Variants in MICU1 observed in about 807,000 individuals in gnomAD.
MICU1 encodes the protein calcium uptake protein 1, mitochondrial.
MICU1 carries 45 observed loss-of-function variants against 56.8 expected under a neutral mutation model. The ratio of observed to expected loss-of-function variants is 0.79; its 90% CI spans 0.62 to 1.02. MICU1 has a LOEUF of 1.02. Among genes scored for constraint, MICU1 ranks in the 50% least tolerant of loss-of-function variants. The pLI is 0.00. For synonymous variants in MICU1, 186 were observed against 195.1 expected, an observed-to-expected ratio of 0.95 and a Z score of 0.39; for missense variants, 504 against 587.1, an observed-to-expected ratio of 0.86 and a Z score of 1.46.
At chr10:72,498,637 T>C (rs2132321761) in intron 6 of MICU1, among the ~76,000 whole-genome samples, 1 of 152,214 alleles carries the variant, frequency 6.6e-6, no homozygotes, top group African/African-American at 2.4e-5. Context: ...ACTCCCTGCT[T>C]TCCTGTTAGG....
At position 72,509,378 on chromosome 10, in the gene MICU1, A is replaced by G; in HGVS notation, c.538-1109T>C. On this transcript the variant is annotated intron_variant, in intron 5 of 11. Coordinates refer to ENST00000361114, the MANE Select transcript of MICU1 (RefSeq NM_001195518.2). Reference sequence around the variant, plus strand: ...CACCATCACACCAGCATCCAGTTACACAACTATCCAATGGGTTACCTCTGT... The same window carrying G: ...CACCATCACACCAGCATCCAGTTACGCAACTATCCAATGGGTTACCTCTGT... 7.5e-7 allele frequency: 1 copy of G among 1,335,716 alleles called. No homozygotes were observed. The allele number at this position is 1,335,716 out of a possible 1,614,324, so 82.7% of individuals were successfully genotyped here. A position where few individuals can be genotyped will look rare whatever the true frequency, so the allele number is the denominator to read the frequency against.
intron 9 of MICU1, among the ~76,000 whole-genome samples, chr10:72,418,678 C>T (rs1864062773): frequency 2.0e-5 from 3 of 152,206 alleles, no homozygotes; most frequent in Admixed American, 2.0e-4. Context: ...TGATACAGAA[C>T]CTCACACAGA....
intron 5 of MICU1, among the ~76,000 whole-genome samples, chr10:72,530,792 T>C (rs1361697240): frequency 6.6e-6 from 1 of 152,212 alleles, no homozygotes; most frequent in African/African-American, 2.4e-5. Context: ...TGACTATCAG[T>C]TGAAATAGTA....
chr10:72,441,615 C>CTTTTTTTTTT lies in MICU1; in HGVS notation c.934-18254_934-18245dup, dbSNP rs71018287. Among the ~76,000 whole-genome samples the CTTTTTTTTTT allele has an allele frequency of 7.6e-5, 8 of 105,476 alleles. 1 individual carries two copies. Among genetic ancestry groups the CTTTTTTTTTT allele is most frequent in the Non-Finnish European group, 1.1e-4 (6 of 55,736 alleles). The allele number at this position is 105,476 out of a possible 152,430, so 69.2% of individuals were successfully genotyped here. A position where few individuals can be genotyped will look rare whatever the true frequency, so the allele number is the denominator to read the frequency against. On this transcript the variant is annotated intron_variant, in intron 8 of 11. Transcript: ENST00000361114. ...ATTTATTCACTTATTTTTAATTTTT[C>CTTTTTTTTTT]TTTTTTTTTTTTTTTTTTTGAGGCA...
intron 1 of MICU1, among the ~76,000 whole-genome samples, chr10:72,602,554 T>C (rs540346432): frequency 6.6e-6 from 1 of 152,336 alleles, no homozygotes; most frequent in East Asian, 1.9e-4. Flanking sequence ...ATACGCTTTG[T>C]CTGTAAAGCT....
At chr10:72,583,067 T>C (rs1481364183) in intron 1 of MICU1, 1 of 150,600 alleles carries the variant, frequency 6.6e-6, no homozygotes, top group Non-Finnish European at 1.5e-5. Flanking sequence ...TGCTGGGCAA[T>C]GTAGCGAGAC....
intron 5 of MICU1, among the ~76,000 whole-genome samples, chr10:72,516,261 G>A (rs979319994): frequency 3.3e-5 from 5 of 151,950 alleles, no homozygotes; most frequent in Admixed American, 6.6e-5. Flanking sequence ...TGTTCATATC[G>A]TTCATCTACT....
intron 5 of MICU1, among the ~76,000 whole-genome samples, chr10:72,530,584 C>A (rs543815604): frequency 6.6e-6 from 1 of 151,934 alleles, no homozygotes; most frequent in Admixed American, 6.6e-5. Context: ...ATTCTTTATA[C>A]GAGACCTATG....
intron 1 of MICU1, among the ~76,000 whole-genome samples, chr10:72,575,130 C>T (rs1222553329): frequency 6.6e-6 from 1 of 152,100 alleles, no homozygotes; most frequent in African/African-American, 2.4e-5. Flanking sequence ...AACTCCTTGT[C>T]TCAAGCAATC....
At chr10:72,594,430 A>G (rs1841315737) in intron 1 of MICU1, among the ~76,000 whole-genome samples, 2 of 150,976 alleles carry the variant, frequency 1.3e-5, no homozygotes, top group South Asian at 4.2e-4. Flanking sequence ...TAAATGTAAC[A>G]CCTAAAATCA....
At chr10:72,434,251 A>G (rs1328395571) in intron 8 of MICU1, among the ~76,000 whole-genome samples, 2 of 152,160 alleles carry the variant, frequency 1.3e-5, no homozygotes, top group African/African-American at 4.8e-5. Context: ...AGCACTTATT[A>G]TGTACCAGAG....
chr10:72,450,980 TGCTGGGATTACAG>T (rs1865278909), intron 8 of MICU1, among the ~76,000 whole-genome samples: 2 of 151,040 alleles, frequency 1.3e-5, no homozygotes, highest in South Asian at 4.2e-4. Flanking sequence ...CCTCCCAAAG[TGCTGGGATTACAG>T]GCGTGAGCTA....
At chr10:72,416,130 G>T (rs934501302) in intron 9 of MICU1, among the ~76,000 whole-genome samples, 1 of 152,126 alleles carries the variant, frequency 6.6e-6, no homozygotes, top group African/African-American at 2.4e-5. Context: ...CTCTTATCTG[G>T]AATGTGTAGG....
chr10:72,528,639 A>G lies in MICU1; in HGVS notation c.537+5107T>C, dbSNP rs1839389071. The G allele has an allele frequency of 1.8e-5, 3 of 162,194 alleles. No individual in the cohort carries two copies. The South Asian group carries it at 4.2e-4, about 23-fold the overall frequency. The allele number at this position is 162,194 out of a possible 1,614,324, so 10.0% of individuals were successfully genotyped here. A position where few individuals can be genotyped will look rare whatever the true frequency, so the allele number is the denominator to read the frequency against. On this transcript the variant is annotated intron_variant, in intron 5 of 11. Coordinates refer to ENST00000361114, the MANE Select transcript of MICU1 (RefSeq NM_001195518.2). ...TCAAACCCTGTCCCATGAGACTTTT[A>G]GTACCCTATGTCGTAATTTACATTT... is the stretch of plus-strand genomic sequence containing the variant.
chr10:72,430,823 G>C (rs1456038902), intron 8 of MICU1, among the ~76,000 whole-genome samples: 1 of 152,118 alleles, frequency 6.6e-6, no homozygotes, highest in Non-Finnish European at 1.5e-5. Flanking sequence ...GCCTCCCAAA[G>C]TGCTGGGATT....
intron 1 of MICU1, among the ~76,000 whole-genome samples, chr10:72,616,478 T>C (rs530242383): frequency 1.3e-5 from 2 of 151,826 alleles, no homozygotes; most frequent in African/African-American, 2.4e-5. Context: ...TCCCAGCTAC[T>C]TGGGAGGCTG....
chr10:72,505,049 C>A (rs1374582920), intron 6 of MICU1, among the ~76,000 whole-genome samples: 1 of 151,288 alleles, frequency 6.6e-6, no homozygotes, highest in East Asian at 1.9e-4. Flanking sequence ...TCTCGGCTCA[C>A]TGCAACCTCC....
chr10:72,584,355 A>T (rs1840986249), intron 1 of MICU1, among the ~76,000 whole-genome samples: 1 of 152,320 alleles, frequency 6.6e-6, no homozygotes, highest in Admixed American at 6.5e-5. Context: ...AGAAAAAATA[A>T]CCAAAGATAC....
At chr10:72,368,847 AG>A (rs2132024755) in intron 11 of MICU1, among the ~76,000 whole-genome samples, 1 of 152,300 alleles carries the variant, frequency 6.6e-6, no homozygotes, top group East Asian at 1.9e-4. Context: ...AGGGGAGATG[AG>A]GGAGGCATTC....
Sources: gnomAD v4.1 joint callset for allele counts (sites outside exome capture counted in the v4.1 genomes callset) on GRCh38, gnomAD v4.1.1 for gene constraint, MANE v1.5 for transcripts, NCBI Gene and HGNC (gene_info 2026-07-23, HGNC 2026-07-21) for gene names.